Variants in MPND observed in about 807,000 individuals in gnomAD.
The protein encoded by MPND is MPN domain containing, also known as MPN domain-containing protein.
In MPND, 56 loss-of-function variants were observed where a neutral mutation model predicts 59.2. The observed-to-expected ratio is 0.95, with a 90% confidence interval of 0.76 to 1.18. MPND has a LOEUF of 1.18. Ranked by LOEUF, MPND falls within the 50% of genes most tolerant of loss-of-function variation. The pLI, the probability that MPND is intolerant of heterozygous loss-of-function variation, is 0.00. For missense variants in MPND, 671 were observed against 676.0 expected (o/e 0.99, Z 0.08); for synonymous variants, 323 against 291.9 (o/e 1.11, Z -1.09).
intron 3 of MPND, among the ~76,000 whole-genome samples, chr19:4,349,424 G>A (rs1257255945): frequency 1.3e-5 from 2 of 152,142 alleles, no homozygotes; most frequent in African/African-American, 2.4e-5. Flanking sequence ...CAGTGGTGGC[G>A]GGAGAAGGCG....
At chr19:4,344,690 G>A (rs1358254448) in intron 2 of MPND, among the ~76,000 whole-genome samples, 2 of 151,904 alleles carry the variant, frequency 1.3e-5, no homozygotes, top group Admixed American at 1.3e-4. Flanking sequence ...CCCTCAGCAG[G>A]CGCCTGCCAC....
intron 11 of MPND, 110 bp from the exon 12 acceptor site, chr19:4,359,053 T>G: frequency 7.2e-6 from 5 of 693,790 alleles, no homozygotes; most frequent in East Asian, 2.6e-5. Context: ...GTTGGTTTGT[T>G]AGTGATGGGG....
intron 12 of MPND, 86 bp downstream of exon 12, chr19:4,359,341 G>A (rs1251024290): frequency 1.4e-5 from 14 of 1,000,716 alleles, no homozygotes; most frequent in Middle Eastern, 3.0e-4. Context: ...AATGAGCCCC[G>A]TGGGCCTCAG....
rs1314167836 is a variant in MPND at position 4,357,835 on chromosome 19, C to T, written c.1237-248C>T. On this transcript the variant is annotated intron_variant, in intron 10 of 12. Transcript: ENST00000599840. The stretch of plus-strand genomic sequence containing the variant: ...TCCTGACCCTGCCTGGCTTCATTCC[C>T]CAATCCTGCCCTGAAGTCAGAGGTC... 4.9e-6 allele frequency: 3 copies of T among 606,418 alleles called. No homozygotes were observed. In the East Asian group the frequency reaches 8.3e-5, roughly 17 times the overall value. 37.6% of individuals were successfully genotyped at this position (606,418 alleles called of 1,614,324 possible).
intron 6 of MPND, 61 bp downstream of exon 6, chr19:4,354,481 C>A: frequency 7.4e-7 from 1 of 1,359,370 alleles, no homozygotes. Flanking sequence ...GGGCAGCGGG[C>A]GGGGCTCCCC....
At chr19:4,357,994 CGTTCCCAGCCCGGGCACTGCCAATT>C (rs1972482508) in intron 10 of MPND, 64 bp from the exon 11 acceptor site, 1 of 1,107,716 alleles carries the variant, frequency 9.0e-7, no homozygotes, top group Non-Finnish European at 1.3e-6. Context: ...TGCACTCTCC[CGTTCCCAGCCCGGGCACTGCCAATT>C]GTCCCCAGCT....
At chr19:4,353,827 A>G in intron 4 of MPND, 1 of 485,784 alleles carries the variant, frequency 2.1e-6, no homozygotes, top group South Asian at 3.0e-5. Context: ...CTTCCCAGTG[A>G]AAAAAAATTT....
chr19:4,354,427 G>A lies in MPND; in HGVS notation c.846+7G>A, dbSNP rs1167272500. On this transcript the variant is annotated splice_region_variant and intron_variant, in intron 6 of 12. Coordinates refer to ENST00000599840, the MANE Select transcript of MPND (RefSeq NM_001300862.2). Reference sequence around the variant, plus strand: ...CAACGTGCTGTTCCTGCTGGTGTGTGGCCCACCCTGTCTAGGGGCAAGGGG... The same window carrying A: ...CAACGTGCTGTTCCTGCTGGTGTGTAGCCCACCCTGTCTAGGGGCAAGGGG... 2.6e-6 allele frequency: 4 copies of A among 1,553,458 alleles called. No individual in the cohort carries two copies. In the East Asian group the frequency reaches 9.7e-5, roughly 38 times the overall value.
At chr19:4,357,959 C>T (rs778714347) in intron 10 of MPND, 124 bp from the exon 11 acceptor site, 1 of 750,056 alleles carries the variant, frequency 1.3e-6, no homozygotes, top group Non-Finnish European at 2.2e-6. Context: ...AGGTGCCGAT[C>T]CCGGTGCAGA....
chr19:4,355,016 G>A lies in MPND; in HGVS notation c.914G>A (p.Ser305Asn), dbSNP rs1475077300. The change falls in exon 7 of 13, where the codon AGC becomes AAC. Residue 305 changes from serine (S) to asparagine (N), a missense_variant. Transcript: ENST00000599840. The stretch of plus-strand genomic sequence containing the variant: ...CTGGGGGGCCGCTGGGACGTCAACA[G>A]CCAGAGTGGGTATCCAGGGCCAGGT... The part of the protein sequence containing the change: ...GYLGGRWDVN[S>N]QMLTVLRAFP... 1.4e-6 allele frequency: 2 copies of A among 1,414,996 alleles called. No homozygotes were observed. Among genetic ancestry groups the A allele is most frequent in the South Asian group, 1.1e-5 (1 of 87,104 alleles). 87.7% of individuals were successfully genotyped at this position (1,414,996 alleles called of 1,614,324 possible).
intron 2 of MPND, among the ~76,000 whole-genome samples, chr19:4,344,545 A>G (rs1463040880): frequency 2.0e-5 from 3 of 152,146 alleles, no homozygotes; most frequent in Non-Finnish European, 4.4e-5. Context: ...ACAAAGGAGA[A>G]GCTGAGGCTC....
At chr19:4,355,487 C>T (rs1972418496) in intron 8 of MPND, among the ~76,000 whole-genome samples, 1 of 152,168 alleles carries the variant, frequency 6.6e-6, no homozygotes, top group Admixed American at 6.5e-5. Context: ...AGGTGCCTGC[C>T]ACCACGCCCA....
chr19:4,355,168 G>C lies in MPND; in HGVS notation c.991G>C (p.Glu331Gln). 6.2e-7 allele frequency: 1 copy of C among 1,612,920 alleles called. No individual in the cohort carries two copies. The highest frequency in any genetic ancestry group is 1.1e-5 in the South Asian group (1 of 91,030). ...CGCAGAGACTGCAGCTGCCATCGAA[G>C]AGGAGGTGAGGGGCTACCTGGGAGG... ...GDAETAAAIE[E>Q]EIYQSLFLRG... is the part of the protein sequence containing the mutation. The change falls in exon 8 of 13, where the codon GAG becomes CAG. Residue 331 changes from glutamate to glutamine, a missense_variant. Coordinates refer to ENST00000599840, the MANE Select transcript of MPND (RefSeq NM_001300862.2).
At chr19:4,359,303 C>T in intron 12 of MPND, 48 bp downstream of exon 12, 2 of 1,416,024 alleles carry the variant, frequency 1.4e-6, no homozygotes, top group Non-Finnish European at 2.0e-6. Context: ...CCAGGAGAGG[C>T]CCCCTGGGCA....
At chr19:4,355,549 A>C (rs1014013330) in intron 8 of MPND, among the ~76,000 whole-genome samples, 5 of 152,066 alleles carry the variant, frequency 3.3e-5, no homozygotes, top group African/African-American at 1.2e-4. Context: ...GTTAGCCAGG[A>C]TGGTCTCGAT....
At chr19:4,346,872 A>G (rs1048589927) in intron 3 of MPND, among the ~76,000 whole-genome samples, 7 of 152,066 alleles carry the variant, frequency 4.6e-5, no homozygotes, top group African/African-American at 1.7e-4. Flanking sequence ...TCTACTAAAA[A>G]GACAAAAATT....
intron 12 of MPND, 38 bp from the exon 13 acceptor site, chr19:4,359,878 C>G: frequency 6.6e-7 from 1 of 1,512,958 alleles, no homozygotes; most frequent in Non-Finnish European, 9.0e-7. Context: ...TGGCTAGGAC[C>G]CCCGGGCACA....
Position 4,359,972 on chromosome 19 carries a change from G to GGTGTGC in MPND, c.1478_1483dup (p.Val493_Cys494dup). 6.4e-7 allele frequency: 1 copy of GGTGTGC among 1,571,310 alleles called. No homozygotes were observed. Among genetic ancestry groups the GGTGTGC allele is most frequent in the Middle Eastern group, 1.7e-4 (1 of 6,018 alleles). On this transcript the variant is annotated inframe_insertion, in exon 13 of 13. Coordinates refer to ENST00000599840, the MANE Select transcript of MPND (RefSeq NM_001300862.2). ...AGAGCCTGTGTCACGTCCTGGAACA[G>GGTGTGC]GTGTGCGGCGTCCTCAAGCAGGGGA... is the stretch of plus-strand genomic sequence containing the variant.
chr19:4,352,844 G>C (rs898207177), intron 3 of MPND, 53 bp from the exon 4 acceptor site: 2 of 1,312,994 alleles, frequency 1.5e-6, no homozygotes, highest in Non-Finnish European at 2.0e-6. Flanking sequence ...CAGGGAGCGG[G>C]GGGGCACCCA....
Sources: gnomAD v4.1 joint callset for allele counts (sites outside exome capture counted in the v4.1 genomes callset) on GRCh38, gnomAD v4.1.1 for gene constraint, MANE v1.5 for transcripts, NCBI Gene and HGNC (gene_info 2026-07-23, HGNC 2026-07-21) for gene names.